Variants in IST1 observed in about 807,000 individuals in gnomAD.
IST1 encodes IST1 homolog.
A neutral mutation model predicts 37.0 loss-of-function variants in IST1; 23 were observed. The ratio of observed to expected loss-of-function variants is 0.62; its 90% CI spans 0.45 to 0.88. The LOEUF (loss-of-function observed/expected upper bound fraction) is 0.88. Ranked by LOEUF, IST1 falls within the 40% of genes least tolerant of loss-of-function variation. The pLI is 0.00. For synonymous variants in IST1, 180 were observed against 161.7 expected (o/e 1.11, Z -0.86); for missense variants, 488 against 445.4 (o/e 1.10, Z -0.86).
intron 1 of IST1, among the ~76,000 whole-genome samples, chr16:71,914,427 T>C (rs1284683037): frequency 6.6e-6 from 1 of 152,180 alleles, no homozygotes; most frequent in African/African-American, 2.4e-5. Flanking sequence ...CCCAAAGTGC[T>C]AGGATTACAG....
rs2143028581 is a variant in IST1, at chr16:71,928,981, T to G, written c.*1168T>G. 6.6e-6 allele frequency: 1 copy of G among 152,466 alleles called. No individual in the cohort carries two copies. The highest frequency in any genetic ancestry group is 2.1e-4 in the South Asian group (1 of 4,854). The allele number at this position is 152,466 out of a possible 1,614,324, so 9.4% of individuals were successfully genotyped here. ...GGTTTGTATTCTGTAGCTCAGTAGCTGCTAATAAAGTTAAAGATCCTGTGT... is the reference window on the plus strand; with the variant it reads ...GGTTTGTATTCTGTAGCTCAGTAGCGGCTAATAAAGTTAAAGATCCTGTGT... On this transcript the variant is annotated 3_prime_UTR_variant, in exon 10 of 10. Coordinates refer to ENST00000378799, the MANE Select transcript of IST1 (RefSeq NM_001270975.2).
chr16:71,922,547 C>G lies in IST1; in HGVS notation c.626C>G (p.Pro209Arg), dbSNP rs763069965. 11 of 1,614,142 alleles carry G rather than the reference C, an allele frequency of 6.8e-6. No homozygotes were observed. The South Asian group carries it at 9.9e-5, about 15-fold the overall frequency. The change falls in exon 7 of 10, where the codon CCT (proline) becomes CGT (arginine). Residue 209 changes from proline to arginine, a missense_variant. By Grantham distance (103) the Pro-to-Arg change is moderately radical (BLOSUM62 -2). Transcript: ENST00000378799. Reference sequence around the variant, plus strand: ...ACAGATGATGTGAAGAAAGGAGGCCCTGGAAGAGGAGGGAGTGGTGGCTTC... The same window carrying G: ...ACAGATGATGTGAAGAAAGGAGGCCGTGGAAGAGGAGGGAGTGGTGGCTTC... ...GFTDDVKKGGPGRGGSGGFTA... is the reference protein window; with the variant it reads ...GFTDDVKKGGRGRGGSGGFTA...
rs1473190985 is a variant in IST1 at position 71,927,728 on chromosome 16, C to T, written c.1016C>T (p.Ser339Phe). The change falls in exon 10 of 10, where the codon TCT (serine) becomes TTT (phenylalanine). Residue 339 changes from serine (S) to phenylalanine (F), a missense_variant. Ser to Phe is a radical substitution (Grantham distance 155, BLOSUM62 -2). Around this residue, in one of 2 missense-constraint regions of IST1, gnomAD observed 455 missense variants for 386.2 expected, o/e 1.18. Coordinates refer to ENST00000378799, the MANE Select transcript of IST1 (RefSeq NM_001270975.2). Reference protein sequence around the residue: ...PSVPDTLPTASAGASTSASED... With the variant: ...PSVPDTLPTAFAGASTSASED... ...GTGCCAGACACACTACCAACTGCAT[C>T]TGCTGGTGCCAGCACCTCAGCATCT... 6.2e-7 allele frequency: 1 copy of T among 1,613,822 alleles called. No homozygotes were observed. Among genetic ancestry groups the T allele is most frequent in the Admixed American group, 1.7e-5 (1 of 60,020 alleles).
intron 1 of IST1, among the ~76,000 whole-genome samples, chr16:71,904,372 T>A (rs1408949854): frequency 6.6e-6 from 1 of 152,218 alleles, no homozygotes; most frequent in Non-Finnish European, 1.5e-5. Flanking sequence ...TCCACCTGCC[T>A]CGGCCTGCCA....
At chr16:71,921,074 G>T (rs2037569255) in intron 5 of IST1, 1 of 603,682 alleles carries the variant, frequency 1.7e-6, no homozygotes, top group Non-Finnish European at 3.0e-6. Flanking sequence ...GGTTGGAAGT[G>T]AGGTGGGGAG....
intron 1 of IST1, among the ~76,000 whole-genome samples, chr16:71,906,113 C>T (rs1214520641): frequency 1.3e-5 from 2 of 150,974 alleles, no homozygotes; most frequent in African/African-American, 2.4e-5. Context: ...AACCAATTCT[C>T]CTGCCTCAGC....
At chr16:71,926,004 G>A (rs886865467) in intron 9 of IST1, among the ~76,000 whole-genome samples, 8 of 151,994 alleles carry the variant, frequency 5.3e-5, no homozygotes, top group African/African-American at 1.2e-4. Flanking sequence ...ATTAGAGGCC[G>A]GGTGCGGTGG....
rs548813837 is a variant in IST1, at chr16:71,906,464, C to T, written c.-15-9162C>T. 4.0e-5 allele frequency among the ~76,000 whole-genome samples: 6 copies of T among 151,854 alleles called. No homozygotes were observed. The South Asian group carries it at 1.0e-3, about 26-fold the overall frequency. On this transcript the variant is annotated intron_variant, in intron 1 of 9. Transcript: ENST00000378799. ...CTAGGATTACAGGTGCCCGCCACCACGCCCAGCTAATTTTTTGTATTTTTT... is the reference window on the plus strand; with the variant it reads ...CTAGGATTACAGGTGCCCGCCACCATGCCCAGCTAATTTTTTGTATTTTTT...
intron 6 of IST1, 92 bp downstream of exon 6, chr16:71,921,545 T>G (rs975125976): frequency 4.0e-6 from 3 of 741,560 alleles, no homozygotes; most frequent in Non-Finnish European, 7.0e-6. Context: ...TAACTTAAAT[T>G]TGTGTGAGTT....
chr16:71,926,058 G>T (rs2037735467), intron 9 of IST1, among the ~76,000 whole-genome samples: 2 of 152,114 alleles, frequency 1.3e-5, no homozygotes. Context: ...TAGGTGGGCA[G>T]ATCACCTGAG....
chr16:71,898,319 A>G (rs1441711308), intron 1 of IST1, among the ~76,000 whole-genome samples: 19 of 137,206 alleles, frequency 1.4e-4, no homozygotes, highest in Non-Finnish European at 1.6e-4. Context: ...GGAGGTTGCA[A>G]TGTGCCAAGA....
In IST1 at chr16:71,912,526, C is replaced by T. The variant is rs142807362; in HGVS notation, c.-15-3100C>T. 5.8e-3 allele frequency among the ~76,000 whole-genome samples: 882 copies of T among 152,296 alleles called. 10 individuals are homozygous for T. The highest frequency in any genetic ancestry group is 0.018 in the African/African-American group (762 of 41,566). On this transcript the variant is annotated intron_variant, in intron 1 of 9. Coordinates refer to ENST00000378799, the MANE Select transcript of IST1 (RefSeq NM_001270975.2). ...TACTGGGATTACAGGTGTGAGCCAC[C>T]GCGCCCGGCCTAAAATATTCTTTTA...
intron 1 of IST1, among the ~76,000 whole-genome samples, chr16:71,905,994 A>T (rs1445585501): frequency 6.7e-6 from 1 of 150,174 alleles, no homozygotes; most frequent in Non-Finnish European, 1.5e-5. Flanking sequence ...AAAACTTCTT[A>T]AGCAATTCTT....
At chr16:71,908,578 G>A (rs561668032) in intron 1 of IST1, among the ~76,000 whole-genome samples, 1 of 152,322 alleles carries the variant, frequency 6.6e-6, no homozygotes, top group East Asian at 1.9e-4. Flanking sequence ...ACTGCACCCA[G>A]CCAGCATTTT....
rs373038572 is a variant in IST1, at chr16:71,917,038, C to G, written c.270-9C>G. 11 of 1,576,544 alleles carry G rather than the reference C, an allele frequency of 7.0e-6. No homozygotes were observed. In the African/African-American group the frequency reaches 1.2e-4, roughly 18 times the overall value. On this transcript the variant is annotated splice_polypyrimidine_tract_variant and intron_variant, in intron 3 of 9. Coordinates refer to ENST00000378799, the MANE Select transcript of IST1 (RefSeq NM_001270975.2). ...AAAGAATGTTATATTAATTTTTTTC[C>G]TTGATTAGGGAACTAGATTCTGGTC...
At chr16:71,914,691 A>T (rs1041086488) in intron 1 of IST1, among the ~76,000 whole-genome samples, 1 of 152,158 alleles carries the variant, frequency 6.6e-6, no homozygotes, top group Non-Finnish European at 1.5e-5. Flanking sequence ...GATGTTTTTT[A>T]TTAGTGGTTA....
chr16:71,900,281 T>G (rs958707989), intron 1 of IST1, among the ~76,000 whole-genome samples: 1 of 151,486 alleles, frequency 6.6e-6, no homozygotes, highest in African/African-American at 2.4e-5. Flanking sequence ...CCTCCTCACT[T>G]CGTACTTTTA....
rs1272789127 is a variant in IST1 at position 71,930,582 on chromosome 16, A to G, written c.*2769A>G. On this transcript the variant is annotated 3_prime_UTR_variant, in exon 10 of 10. Coordinates refer to ENST00000378799, the MANE Select transcript of IST1 (RefSeq NM_001270975.2). ...CACACTGTCTCTGCCATATCAAGAA[A>G]CTACAACCCTAAACACAGGAGCATT... The G allele has an allele frequency of 6.5e-6, 1 of 154,878 alleles. No individual in the cohort carries two copies. Among genetic ancestry groups the G allele is most frequent in the East Asian group, 1.9e-4 (1 of 5,306 alleles). The allele number at this position is 154,878 out of a possible 1,614,324, so 9.6% of individuals were successfully genotyped here.
Position 71,905,333 on chromosome 16 carries a change from C to T in IST1, c.-16+9744C>T, listed in dbSNP as rs139112307. Among the ~76,000 whole-genome samples, 114 of 150,158 alleles carry T rather than the reference C, an allele frequency of 7.6e-4. 1 individual carries two copies. The East Asian group carries it at 0.019, about 25-fold the overall frequency. On this transcript the variant is annotated intron_variant, in intron 1 of 9. Coordinates refer to ENST00000378799, the MANE Select transcript of IST1 (RefSeq NM_001270975.2). ...ATGGGCATGAGCCACCATGCCTGGC[C>T]GTATACAATTTTTTAGTGGTTGCTC...
Sources: allele counts gnomAD v4.1 joint callset (sites outside exome capture counted in the v4.1 genomes callset), GRCh38; gene constraint gnomAD v4.1.1; regional missense constraint gnomAD v4.1.1; transcripts MANE v1.5; gene names NCBI Gene and HGNC (gene_info 2026-07-23, HGNC 2026-07-21).